The following FKBP2 variants were observed in gnomAD, a reference collection of about 807,000 sequenced individuals.
FKBP2 encodes FKBP prolyl isomerase 2.
FKBP2 carries 15 observed loss-of-function variants against 19.4 expected under a neutral mutation model. The ratio of observed to expected loss-of-function variants is 0.77; its 90% CI spans 0.52 to 1.19. FKBP2 has a LOEUF of 1.19. Ranked by LOEUF, FKBP2 falls within the 50% of genes most tolerant of loss-of-function variation. The pLI is 0.00. For missense variants in FKBP2, 170 were observed against 179.0 expected, an observed-to-expected ratio of 0.95 and a Z score of 0.29; for synonymous variants, 76 against 74.8, an observed-to-expected ratio of 1.02 and a Z score of -0.08.
intron 3 of FKBP2, 56 bp from the exon 4 acceptor site, chr11:64,243,395 G>A (rs1476806454): frequency 2.9e-5 from 46 of 1,611,308 alleles, no homozygotes; most frequent in Non-Finnish European, 3.4e-6. Context: ...AAGCCCCAGG[G>A]ATACAAGACA....
chr11:64,242,257 G>A (rs929730532), intron 1 of FKBP2, 127 bp from the exon 2 acceptor site: 6 of 972,194 alleles, frequency 6.2e-6, no homozygotes, highest in African/African-American at 5.2e-5. Context: ...GGTGACCCGG[G>A]ACAAAGGGGA....
chr11:64,242,171 C>T, intron 1 of FKBP2: 1 of 485,568 alleles, frequency 2.1e-6, no homozygotes, highest in Non-Finnish European at 3.6e-6. Context: ...CCCCCTCCCC[C>T]CGCTGCTGGG....
Position 64,243,959 on chromosome 11 carries a change from C to T in FKBP2, c.368-9C>T, listed in dbSNP as rs1225211433. 2 of 1,614,008 alleles carry T rather than the reference C, an allele frequency of 1.2e-6. No homozygotes were observed. The highest frequency in any genetic ancestry group is 1.3e-5 in the African/African-American group (1 of 74,890). ...TGGTTGGCATTTTGACTCCCCTTCT[C>T]CCCTACAGGTGGTGCAACCCTGGTG... On this transcript the variant is annotated splice_polypyrimidine_tract_variant and intron_variant, in intron 5 of 5. Coordinates refer to ENST00000309366, the MANE Select transcript of FKBP2 (RefSeq NM_004470.4).
chr11:64,242,540 C>T lies in FKBP2; in HGVS notation c.153C>T (p.Val51=). 1.3e-6 allele frequency: 2 copies of T among 1,551,830 alleles called. No individual in the cohort carries two copies. Among genetic ancestry groups the T allele is most frequent in the Non-Finnish European group, 8.7e-7 (1 of 1,155,584 alleles). ...HCPIKSRKGD[V]LHMHYTGKLE... ...CCATCAAATCGCGCAAAGGGGATGT[C>T]CTGCACATGCACTACACGGTGAGTG... The change falls in exon 2 of 6, where the codon GTC becomes GTT. Residue 51 remains valine (V), a synonymous_variant. Coordinates refer to ENST00000309366, the MANE Select transcript of FKBP2 (RefSeq NM_004470.4).
In FKBP2 at chr11:64,242,443, T is replaced by C; in HGVS notation, c.56T>C (p.Val19Ala). 6.5e-7 allele frequency: 1 copy of C among 1,550,306 alleles called. No homozygotes were observed. The highest frequency in any genetic ancestry group is 8.7e-7 in the Non-Finnish European group (1 of 1,153,742). ...LTVLSICLSAVATATGAEGKR... is the reference protein window; with the variant it reads ...LTVLSICLSAAATATGAEGKR... ...GTACTGTCCATCTGCCTGAGCGCCG[T>C]GGCCACGGCCACGGGGGCCGAGGGC... The change falls in exon 2 of 6, where the codon GTG becomes GCG. Residue 19 changes from valine (V) to alanine (A), a missense_variant. By Grantham distance (64) the Val-to-Ala change is moderately conservative. Coordinates refer to ENST00000309366, the MANE Select transcript of FKBP2 (RefSeq NM_004470.4).
chr11:64,242,034 C>A, intron 1 of FKBP2: 1 of 191,692 alleles, frequency 5.2e-6, no homozygotes. Flanking sequence ...GCAGTGCAGC[C>A]AGATAGGGTC....
rs2030745579 is a variant in FKBP2 at position 64,244,059 on chromosome 11, C to T, written c.*30C>T. 1 of 1,611,344 alleles carries T rather than the reference C, an allele frequency of 6.2e-7. No individual in the cohort carries two copies. Among genetic ancestry groups the T allele is most frequent in the South Asian group, 1.1e-5 (1 of 91,000 alleles). On this transcript the variant is annotated 3_prime_UTR_variant, in exon 6 of 6. Coordinates refer to ENST00000309366, the MANE Select transcript of FKBP2 (RefSeq NM_004470.4). ...ACTGGGGAGGGGCAGGGGGAGAGGC[C>T]CCCATCAGGGACCAGACTGTTCCAA...
At chr11:64,243,341 G>A (rs996250293) in intron 3 of FKBP2, 30 bp downstream of exon 3, 8 of 1,597,748 alleles carry the variant, frequency 5.0e-6, no homozygotes, top group Non-Finnish European at 6.0e-6. Context: ...GCTTGGGAGT[G>A]GGGGCGTGCA....
Position 64,242,481 on chromosome 11 carries a change from C to A in FKBP2, c.94C>A (p.Gln32Lys). The change falls in exon 2 of 6, where the codon CAG becomes AAG. Residue 32 changes from glutamine to lysine, a missense_variant. Transcript: ENST00000309366. ...GGGGGCCGAGGGCAAAAGGAAGCTG[C>A]AGATCGGGGTCAAGAAGCGGGTGGA... ...ATGAEGKRKL[Q>K]IGVKKRVDHC... is the part of the protein sequence containing the mutation. 6.4e-7 allele frequency: 1 copy of A among 1,552,742 alleles called. No homozygotes were observed. The highest frequency in any genetic ancestry group is 8.6e-7 in the Non-Finnish European group (1 of 1,156,304).
chr11:64,244,113 A>G lies in FKBP2; in HGVS notation c.*84A>G. On this transcript the variant is annotated 3_prime_UTR_variant, in exon 6 of 6. Coordinates refer to ENST00000309366, the MANE Select transcript of FKBP2 (RefSeq NM_004470.4). The stretch of plus-strand genomic sequence containing the variant: ...AAAAACAAAAAACAAAAACAAACAA[A>G]AAAACACTTAAAAGCCCAAGGAGTA... The G allele has an allele frequency of 1.4e-6, 2 of 1,462,698 alleles. No individual in the cohort carries two copies. Among genetic ancestry groups the G allele is most frequent in the East Asian group, 2.3e-5 (1 of 43,708 alleles). 90.6% of individuals were successfully genotyped at this position (1,462,698 alleles called of 1,614,324 possible).
In FKBP2 at chr11:64,243,515, A is replaced by C. The variant is rs1397149025; in HGVS notation, c.331+18A>C. The C allele has an allele frequency of 6.2e-7, 1 of 1,613,220 alleles. No individual in the cohort carries two copies. The highest frequency in any genetic ancestry group is 1.7e-5 in the Admixed American group (1 of 60,022). ...CGAGCTAGGTAAGAGGCCCCTCCTG[A>C]GGGTGCAGAGCGAGTTTGGGGTGTG... On this transcript the variant is annotated intron_variant, in intron 4 of 5. Coordinates refer to ENST00000309366, the MANE Select transcript of FKBP2 (RefSeq NM_004470.4).
intron 3 of FKBP2, 61 bp downstream of exon 3, chr11:64,243,372 A>C: frequency 6.2e-7 from 1 of 1,605,182 alleles, no homozygotes. Flanking sequence ...CCAGGAGGTA[A>C]GCTGTGGGAG....
At position 64,243,432 on chromosome 11, in the gene FKBP2, A is replaced by T. The variant is rs770038520; in HGVS notation, c.285-19A>T. Reference sequence around the variant, plus strand: ...GGGCCCTGGGTGCTGCCATGGGCTGAGCATGTGTCTTCCTGCAGGATGTGT... The same window carrying T: ...GGGCCCTGGGTGCTGCCATGGGCTGTGCATGTGTCTTCCTGCAGGATGTGT... On this transcript the variant is annotated intron_variant, in intron 3 of 5. Transcript: ENST00000309366. The T allele has an allele frequency of 4.0e-5, 65 of 1,613,816 alleles. No homozygotes were observed. Among genetic ancestry groups the T allele is most frequent in the Non-Finnish European group, 5.5e-5 (65 of 1,179,982 alleles).
intron 2 of FKBP2, 28 bp from the exon 3 acceptor site, chr11:64,243,171 C>T (rs2030652091): frequency 1.9e-6 from 3 of 1,606,738 alleles, no homozygotes; most frequent in African/African-American, 1.3e-5. Context: ...GTCCCCTCTT[C>T]CTCACTGGCC....
At chr11:64,243,912 C>G in intron 5 of FKBP2, 36 bp downstream of exon 5, 3 of 1,614,018 alleles carry the variant, frequency 1.9e-6, no homozygotes, top group Non-Finnish European at 2.5e-6. Context: ...TCACCTGCAG[C>G]CAGCCCACCT....
rs1456841660 is a variant in FKBP2, at chr11:64,244,112, A to G, written c.*83A>G. 6.7e-7 allele frequency: 1 copy of G among 1,487,868 alleles called. No homozygotes were observed. The highest frequency in any genetic ancestry group is 2.3e-5 in the East Asian group (1 of 44,022). The allele number at this position is 1,487,868 out of a possible 1,614,324, so 92.2% of individuals were successfully genotyped here. ...AAAAAACAAAAAACAAAAACAAACA[A>G]AAAAACACTTAAAAGCCCAAGGAGT... On this transcript the variant is annotated 3_prime_UTR_variant, in exon 6 of 6. Transcript: ENST00000309366.
Position 64,243,659 on chromosome 11 carries a change from T to C in FKBP2, c.331+162T>C, listed in dbSNP as rs144715029. ...TAGCAGTGAGTACAGGGCAAGATCATTGAAGCACTCAGCTGTAGTGGCCCC... is the reference window on the plus strand; with the variant it reads ...TAGCAGTGAGTACAGGGCAAGATCACTGAAGCACTCAGCTGTAGTGGCCCC... On this transcript the variant is annotated intron_variant, in intron 4 of 5. Transcript: ENST00000309366. The C allele has an allele frequency of 1.9e-3, 2,162 of 1,164,520 alleles. 9 individuals carry two copies. The highest frequency in any genetic ancestry group is 2.8e-3 in the Middle Eastern group (10 of 3,592). 72.1% of individuals were successfully genotyped at this position (1,164,520 alleles called of 1,614,324 possible).
rs1393848132 is a variant in FKBP2, at chr11:64,242,482, A to G, written c.95A>G (p.Gln32Arg). The G allele has an allele frequency of 3.9e-6, 6 of 1,554,448 alleles. No individual in the cohort carries two copies. The East Asian group carries it at 1.5e-4, about 38-fold the overall frequency. ...GGGGCCGAGGGCAAAAGGAAGCTGC[A>G]GATCGGGGTCAAGAAGCGGGTGGAC... is the stretch of plus-strand genomic sequence containing the variant. ...ATGAEGKRKL[Q>R]IGVKKRVDHC... The change falls in exon 2 of 6, where the codon CAG (glutamine) becomes CGG (arginine). Residue 32 changes from glutamine (Q) to arginine (R), a missense_variant. By Grantham distance (43) the Gln-to-Arg change is conservative (BLOSUM62 1). Coordinates refer to ENST00000309366, the MANE Select transcript of FKBP2 (RefSeq NM_004470.4).
intron 1 of FKBP2, 158 bp from the exon 2 acceptor site, chr11:64,242,226 C>T (rs1296445828): frequency 3.0e-6 from 2 of 677,296 alleles, no homozygotes; most frequent in African/African-American, 1.9e-5. Context: ...AAGTGTGGCC[C>T]CGGAGCCCGG....
Sources: gnomAD v4.1 joint callset for allele counts on GRCh38, gnomAD v4.1.1 for gene constraint, MANE v1.5 for transcripts, NCBI Gene and HGNC (gene_info 2026-07-23, HGNC 2026-07-21) for gene names.